The following AGBL1 variants were observed in gnomAD, a reference collection of about 807,000 sequenced individuals.
The protein encoded by AGBL1 is AGBL carboxypeptidase 1, also known as cytosolic carboxypeptidase 4.
A neutral mutation model predicts 118.9 loss-of-function variants in AGBL1; 130 were observed. That is an observed-to-expected ratio of 1.09 (90% CI 0.95 to 1.26). AGBL1 has a LOEUF of 1.26. Among genes scored for constraint, AGBL1 ranks in the 50% most tolerant of loss-of-function variants. The probability of loss-of-function intolerance (pLI) is 0.00; values close to 1 mark genes in which losing one functional copy is unlikely to be tolerated. For missense variants in AGBL1, 1,584 were observed against 1,298.1 expected (o/e 1.22, Z -3.38); for synonymous variants, 555 against 478.9 (o/e 1.16, Z -2.08).
At chr15:86,523,002 G>C (rs780754470) in intron 19 of AGBL1, 63 bp downstream of exon 19, 2 of 1,554,380 alleles carry the variant, frequency 1.3e-6, no homozygotes, top group Non-Finnish European at 8.9e-7. Flanking sequence ...AGGAAGCAGA[G>C]TATATTCTGC....
At chr15:86,226,849 G>C (rs1236224989) in intron 6 of AGBL1, among the ~76,000 whole-genome samples, 1 of 152,108 alleles carries the variant, frequency 6.6e-6, no homozygotes, top group East Asian at 1.9e-4. Flanking sequence ...GCTTTTATAG[G>C]CTCTCCCAAC....
chr15:86,373,861 T>G (rs1297404360), intron 17 of AGBL1, among the ~76,000 whole-genome samples: 1 of 152,202 alleles, frequency 6.6e-6, no homozygotes, highest in East Asian at 1.9e-4. Context: ...ATAAAACCCC[T>G]TTGCTTTATT....
At position 86,554,456 on chromosome 15, in the gene AGBL1, G is replaced by T; in HGVS notation, c.2913G>T (p.Val971=). 6.3e-7 allele frequency: 1 copy of T among 1,588,880 alleles called. No homozygotes were observed. Among genetic ancestry groups the T allele is most frequent in the Admixed American group, 1.8e-5 (1 of 55,926 alleles). ...VEKSRASTAR[V]VVWREMGVSR... Reference sequence around the variant, plus strand: ...AATCTCGAGCTTCCACGGCCCGGGTGGTGGTGTGGAGAGAGATGGGGGTGT... The same window carrying T: ...AATCTCGAGCTTCCACGGCCCGGGTTGTGGTGTGGAGAGAGATGGGGGTGT... The change falls in exon 21 of 23, where the codon GTG becomes GTT. Residue 971 remains valine, a synonymous_variant. Coordinates refer to ENST00000614907, the MANE Select transcript of AGBL1 (RefSeq NM_001386094.1).
At chr15:86,579,471 C>A (rs2084143331) in intron 21 of AGBL1, among the ~76,000 whole-genome samples, 1 of 152,092 alleles carries the variant, frequency 6.6e-6, no homozygotes, top group Non-Finnish European at 1.5e-5. Flanking sequence ...AATGAGGAAG[C>A]TGATATTTCT....
chr15:86,211,492 A>T (rs909882614), intron 5 of AGBL1, among the ~76,000 whole-genome samples: 1 of 152,122 alleles, frequency 6.6e-6, no homozygotes, highest in Non-Finnish European at 1.5e-5. Flanking sequence ...GGTGAGCTCC[A>T]CCCAGTTCAA....
At chr15:86,305,733 TCA>T (rs1175437905) in intron 17 of AGBL1, among the ~76,000 whole-genome samples, 2 of 152,084 alleles carry the variant, frequency 1.3e-5, no homozygotes, top group African/African-American at 4.8e-5. Context: ...ACATGCACAC[TCA>T]CATACTGACG....
rs1193193104 is a variant in AGBL1, at chr15:86,909,807, C to G, written c.*2513C>G. ...GCTAGCTTATCATTAATTATTATTT[C>G]AGCCCAAATTAGTTTTGGGGGTTAG... On this transcript the variant is annotated 3_prime_UTR_variant, in exon 23 of 23. Transcript: ENST00000614907. The G allele has an allele frequency of 6.6e-6, 1 of 152,172 alleles. No homozygotes were observed. The highest frequency in any genetic ancestry group is 1.5e-5 in the Non-Finnish European group (1 of 68,042). The allele number at this position is 152,172 out of a possible 1,614,324, so 9.4% of individuals were successfully genotyped here.
chr15:87,021,692 A>T (rs2081666630), intron 24 of AGBL1, among the ~76,000 whole-genome samples: 1 of 152,192 alleles, frequency 6.6e-6, no homozygotes, highest in African/African-American at 2.4e-5. Flanking sequence ...AAAGCACATG[A>T]ACAGACACTT....
intron 5 of AGBL1, among the ~76,000 whole-genome samples, chr15:86,203,681 C>T (rs1167433053): frequency 6.6e-6 from 1 of 152,142 alleles, no homozygotes; most frequent in African/African-American, 2.4e-5. Flanking sequence ...TGTGTCTTTT[C>T]TTTCAAAAAT....
At chr15:86,103,697 G>T (rs1896865530) in intron 1 of AGBL1, among the ~76,000 whole-genome samples, 1 of 152,198 alleles carries the variant, frequency 6.6e-6, no homozygotes, top group African/African-American at 2.4e-5. Flanking sequence ...TTTTGCTGGG[G>T]ATGAAAACAC....
intron 23 of AGBL1, among the ~76,000 whole-genome samples, chr15:86,925,906 A>G (rs1323240467): frequency 6.0e-5 from 9 of 150,824 alleles, no homozygotes; most frequent in Admixed American, 2.0e-4. Context: ...AATTTTCTGT[A>G]TTCTTAATAG....
At chr15:86,482,948 T>C (rs1263739087) in intron 18 of AGBL1, among the ~76,000 whole-genome samples, 1 of 152,024 alleles carries the variant, frequency 6.6e-6, no homozygotes, top group Non-Finnish European at 1.5e-5. Flanking sequence ...GGGGGGCCAT[T>C]CTGACAGGCT....
chr15:86,774,031 T>C (rs147617684), intron 22 of AGBL1, among the ~76,000 whole-genome samples: 68 of 152,200 alleles, frequency 4.5e-4, no homozygotes, highest in African/African-American at 1.4e-3. Context: ...TATTTGTCTA[T>C]TAATTAGGGC....
At chr15:86,481,064 G>A (rs1232502763) in intron 18 of AGBL1, among the ~76,000 whole-genome samples, 3 of 150,046 alleles carry the variant, frequency 2.0e-5, no homozygotes, top group Non-Finnish European at 4.4e-5. Context: ...AACAAAAGAG[G>A]AAGAAGAGGA....
At chr15:86,883,345 C>T (rs570302130) in intron 22 of AGBL1, among the ~76,000 whole-genome samples, 10 of 152,310 alleles carry the variant, frequency 6.6e-5, no homozygotes, top group Non-Finnish European at 1.5e-4. Context: ...GCTTCAAGTC[C>T]CACCAGAATC....
At chr15:87,017,950 A>C (rs762344944) in intron 24 of AGBL1, among the ~76,000 whole-genome samples, 10 of 152,230 alleles carry the variant, frequency 6.6e-5, no homozygotes, top group Non-Finnish European at 1.5e-4. Flanking sequence ...CGAGATGAAC[A>C]TAACCAACCT....
At chr15:86,271,955 T>C (rs1202712669) in intron 15 of AGBL1, among the ~76,000 whole-genome samples, 7 of 152,204 alleles carry the variant, frequency 4.6e-5, no homozygotes, top group Admixed American at 2.6e-4. Context: ...ACATTAAAAC[T>C]TTTAGATCTT....
At chr15:86,758,962 C>T (rs1402533010) in intron 22 of AGBL1, among the ~76,000 whole-genome samples, 15 of 120,372 alleles carry the variant, frequency 1.2e-4, no homozygotes, top group Admixed American at 6.3e-4. Flanking sequence ...GACAGACACC[C>T]TGTCAAAAAA....
intron 22 of AGBL1, among the ~76,000 whole-genome samples, chr15:86,888,531 G>T (rs1224538413): frequency 5.9e-5 from 9 of 152,108 alleles, no homozygotes; most frequent in Non-Finnish European, 7.4e-5. Context: ...AATTTGAGGA[G>T]AAAATGGTAA....
Sources: gnomAD v4.1 joint callset for allele counts (sites outside exome capture counted in the v4.1 genomes callset) on GRCh38, gnomAD v4.1.1 for gene constraint, MANE v1.5 for transcripts, NCBI Gene and HGNC (gene_info 2026-07-23, HGNC 2026-07-21) for gene names.